Variants in PACSIN2 observed in about 807,000 individuals in gnomAD.
PACSIN2 encodes the protein protein kinase C and casein kinase substrate in neurons protein 2.
A neutral mutation model predicts 63.8 loss-of-function variants in PACSIN2; 25 were observed. The ratio of observed to expected loss-of-function variants is 0.39; its 90% CI spans 0.29 to 0.55. PACSIN2 has a LOEUF of 0.55. PACSIN2 is among the 20% of genes least tolerant of loss of function. The pLI is 0.62. For missense variants in PACSIN2, 518 were observed against 646.9 expected (o/e 0.80, Z 2.16); for synonymous variants, 255 against 256.2 (o/e 1.00, Z 0.05).
chr22:42,916,394 A>G (rs1444470227), intron 1 of PACSIN2, among the ~76,000 whole-genome samples: 1 of 98,864 alleles, frequency 1.0e-5, no homozygotes, highest in Non-Finnish European at 1.9e-5. Context: ...CAGAGCAACA[A>G]CCTGGGGTGG....
rs556203971 is a variant in PACSIN2, at chr22:42,946,658, T to C, written c.-77-34501A>G. Among the ~76,000 whole-genome samples the C allele has an allele frequency of 2.0e-4, 30 of 152,316 alleles. No homozygotes were observed. In the South Asian group the frequency reaches 6.0e-3, roughly 31 times the overall value. On this transcript the variant is annotated intron_variant, in intron 1 of 10. Coordinates refer to ENST00000263246, the MANE Select transcript of PACSIN2 (RefSeq NM_001184970.3). ...CCTGCCCAGGACTGATGCAGTGTTATTCCAACATAATCTTAGGATCCCTTC... is the reference window on the plus strand; with the variant it reads ...CCTGCCCAGGACTGATGCAGTGTTACTCCAACATAATCTTAGGATCCCTTC...
At position 42,886,173 on chromosome 22, in the gene PACSIN2, C is replaced by A. The variant is rs1189726388; in HGVS notation, c.610-1612G>T. Among the ~76,000 whole-genome samples, 5 of 152,206 alleles carry A rather than the reference C, an allele frequency of 3.3e-5. No homozygotes were observed. The East Asian group carries it at 5.8e-4, about 18-fold the overall frequency. ...CCGACCCTGCTAGCCCCAAGTCCTG[C>A]CCCCAGCACAGGCCAGGTACTCAGC... On this transcript the variant is annotated intron_variant, in intron 5 of 10. Transcript: ENST00000263246.
rs534199057 is a variant in PACSIN2, at chr22:42,974,738, G to A, written c.-78+40283C>T. Among the ~76,000 whole-genome samples, 28 of 131,236 alleles carry A rather than the reference G, an allele frequency of 2.1e-4. 1 individual carries two copies. In the South Asian group the frequency reaches 7.4e-3, roughly 34 times the overall value. The allele number at this position is 131,236 out of a possible 152,430, so 86.1% of individuals were successfully genotyped here. On this transcript the variant is annotated intron_variant, in intron 1 of 10. Coordinates refer to ENST00000263246, the MANE Select transcript of PACSIN2 (RefSeq NM_001184970.3). ...CACTCCAGCCTGGGCAACACAGTGA[G>A]ATCTTGTCTCAAAAAAAAAAAAAAA...
rs968618610 is a variant in PACSIN2 at position 43,012,460 on chromosome 22, T to G, written c.-78+2561A>C. Among the ~76,000 whole-genome samples the G allele has an allele frequency of 8.5e-5, 13 of 152,070 alleles. 1 individual carries two copies. Among genetic ancestry groups the G allele is most frequent in the Admixed American group, 8.5e-4 (13 of 15,248 alleles). On this transcript the variant is annotated intron_variant, in intron 1 of 10. Transcript: ENST00000263246. ...GCTATGTTGGTGGAAATCCAGAATT[T>G]TTTTTAAATATATGCATACTTTTAG...
At chr22:42,938,241 T>C (rs1932994974) in intron 1 of PACSIN2, among the ~76,000 whole-genome samples, 1 of 152,104 alleles carries the variant, frequency 6.6e-6, no homozygotes, top group African/African-American at 2.4e-5. Flanking sequence ...AAGGTATGAA[T>C]AGAGAATGCT....
At chr22:42,962,429 G>T (rs965414092) in intron 1 of PACSIN2, among the ~76,000 whole-genome samples, 1 of 152,254 alleles carries the variant, frequency 6.6e-6, no homozygotes, top group South Asian at 2.1e-4. Context: ...CGCAAGGAGA[G>T]CCAGCCTGTA....
intron 1 of PACSIN2, among the ~76,000 whole-genome samples, chr22:42,949,856 C>A (rs1933602434): frequency 1.3e-5 from 2 of 152,110 alleles, no homozygotes; most frequent in South Asian, 4.1e-4. Flanking sequence ...AAATATCAAG[C>A]CAAGGAAATT....
rs200348918 is a variant in PACSIN2 at position 42,982,887 on chromosome 22, A to AAAAAAAAAAAAAAAAAC, written c.-78+32133_-78+32134insGTTTTTTTTTTTTTTTT. 2.3e-3 allele frequency among the ~76,000 whole-genome samples: 297 copies of AAAAAAAAAAAAAAAAAC among 129,286 alleles called. 12 individuals carry two copies. The highest frequency in any genetic ancestry group is 4.0e-3 in the Middle Eastern group (1 of 250). The allele number at this position is 129,286 out of a possible 152,430, so 84.8% of individuals were successfully genotyped here. On this transcript the variant is annotated intron_variant, in intron 1 of 10. Transcript: ENST00000263246. ...TGATCAATAAAAAAAAAAAAAAAAA[A>AAAAAAAAAAAAAAAAAC]AAACAACAACAAGGCTAGGAGCAGT...
intron 2 of PACSIN2, among the ~76,000 whole-genome samples, chr22:42,900,674 A>G (rs1930623839): frequency 6.6e-6 from 1 of 152,054 alleles, no homozygotes; most frequent in Non-Finnish European, 1.5e-5. Context: ...GGTTCTTACT[A>G]TGTTGCCAGG....
At chr22:42,977,767 TC>T (rs1921808907) in intron 1 of PACSIN2, among the ~76,000 whole-genome samples, 1 of 151,902 alleles carries the variant, frequency 6.6e-6, no homozygotes, top group African/African-American at 2.4e-5. Flanking sequence ...ATGTGGCACT[TC>T]CCCCCTCACG....
At chr22:42,876,002 G>A in intron 10 of PACSIN2, 135 bp downstream of exon 10, 1 of 691,008 alleles carries the variant, frequency 1.4e-6, no homozygotes, top group Non-Finnish European at 2.4e-6. Context: ...TGAAGCCAGG[G>A]CACTGGGGAA....
At chr22:42,886,369 TAAG>T (rs1929475722) in intron 5 of PACSIN2, among the ~76,000 whole-genome samples, 1 of 152,146 alleles carries the variant, frequency 6.6e-6, no homozygotes, top group Non-Finnish European at 1.5e-5. Context: ...TGATGGCTGA[TAAG>T]AAACATGAAA....
chr22:42,971,626 G>A (rs1350452994), intron 1 of PACSIN2, among the ~76,000 whole-genome samples: 2 of 151,358 alleles, frequency 1.3e-5, no homozygotes, highest in Non-Finnish European at 2.9e-5. Flanking sequence ...CCGCCACCAT[G>A]TCTGGGAAGT....
intron 1 of PACSIN2, among the ~76,000 whole-genome samples, chr22:42,997,402 G>GA (rs1923479240): frequency 6.6e-6 from 1 of 151,840 alleles, no homozygotes; most frequent in South Asian, 2.1e-4. Context: ...ACTAAAAATA[G>GA]AAAAAATTAG....
chr22:42,885,873 A>G (rs738538), intron 5 of PACSIN2, among the ~76,000 whole-genome samples: 69,358 of 152,000 alleles, frequency 0.46, 16,379 homozygotes, highest in African/African-American at 0.49. Context: ...CCAGCAGAGA[A>G]AGAGCTCCAC....
chr22:43,012,294 A>C (rs866766629), intron 1 of PACSIN2, among the ~76,000 whole-genome samples: 1 of 144,300 alleles, frequency 6.9e-6, no homozygotes, highest in Non-Finnish European at 1.5e-5. Context: ...GAACCTGGGC[A>C]GAGACTCTCT....
Position 42,893,567 on chromosome 22 carries a change from C to T in PACSIN2, c.107G>A (p.Arg36His), listed in dbSNP as rs1297561474. Residue 36 changes from arginine (R) to histidine (H), a missense_variant, in exon 3 of 11, where the codon CGC (arginine) becomes CAC (histidine). Arg to His is a conservative substitution (Grantham distance 29). Around this residue, in one of 2 missense-constraint regions of PACSIN2, gnomAD observed 507 missense variants for 612.3 expected, o/e 0.83. Coordinates refer to ENST00000263246, the MANE Select transcript of PACSIN2 (RefSeq NM_001184970.3). Reference sequence around the variant, plus strand: ...GCAGTTCATGAGGTCGCTGCACAGGCGGTGGCCATCGTCGATCCGCTTCAC... The same window carrying T: ...GCAGTTCATGAGGTCGCTGCACAGGTGGTGGCCATCGTCGATCCGCTTCAC... ...RTVKRIDDGH[R>H]LCSDLMNCLH... 4.3e-6 allele frequency: 7 copies of T among 1,614,106 alleles called. No individual in the cohort carries two copies. The highest frequency in any genetic ancestry group is 1.7e-5 in the Admixed American group (1 of 60,026).
At chr22:42,898,635 G>A (rs542330070) in intron 2 of PACSIN2, among the ~76,000 whole-genome samples, 1 of 151,970 alleles carries the variant, frequency 6.6e-6, no homozygotes, top group East Asian at 1.9e-4. Context: ...GACCTTGGGG[G>A]CCACATCCCT....
chr22:43,007,206 C>T (rs904235066), intron 1 of PACSIN2, among the ~76,000 whole-genome samples: 3 of 151,700 alleles, frequency 2.0e-5, no homozygotes, highest in Admixed American at 2.0e-4. Flanking sequence ...CCCTCTCACA[C>T]ACACCTCTTG....
Sources: gnomAD v4.1 joint callset for allele counts (sites outside exome capture counted in the v4.1 genomes callset) on GRCh38, gnomAD v4.1.1 for gene constraint, gnomAD v4.1.1 regional missense constraint, MANE v1.5 for transcripts, NCBI Gene and HGNC (gene_info 2026-07-23, HGNC 2026-07-21) for gene names.